STAG1: variants seen among roughly 807,000 people sequenced by gnomAD.
The protein encoded by STAG1 is STAG1 cohesin complex component.
Under a neutral mutation model 170.9 loss-of-function variants are expected in STAG1, and 26 were observed. The observed-to-expected ratio is 0.15, with a 90% CI of 0.11 to 0.21. STAG1 has a LOEUF of 0.21. Ranked by LOEUF, STAG1 falls within the 10% of genes least tolerant of loss-of-function variation. STAG1 has a pLI of 1.00. For missense variants in STAG1, 964 were observed against 1,509.5 expected, an observed-to-expected ratio of 0.64 and a Z score of 5.99; for synonymous variants, 514 against 497.7, an observed-to-expected ratio of 1.03 and a Z score of -0.44.
At chr3:136,526,353 C>T (rs1401743650) in intron 6 of STAG1, among the ~76,000 whole-genome samples, 2 of 152,128 alleles carry the variant, frequency 1.3e-5, no homozygotes, top group Non-Finnish European at 2.9e-5. Flanking sequence ...TATGTTATGG[C>T]CTTCTTTGTC....
intron 1 of STAG1, among the ~76,000 whole-genome samples, chr3:136,744,455 T>C (rs1197266154): frequency 6.6e-6 from 1 of 152,146 alleles, no homozygotes; most frequent in African/African-American, 2.4e-5. Context: ...TTGTATCAAT[T>C]TACACTGCTG....
intron 7 of STAG1, among the ~76,000 whole-genome samples, chr3:136,508,975 C>A (rs1278369945): frequency 6.6e-6 from 1 of 152,190 alleles, no homozygotes; most frequent in Non-Finnish European, 1.5e-5. Context: ...CAGACTGACA[C>A]AAAGGGTTCC....
intron 1 of STAG1, among the ~76,000 whole-genome samples, chr3:136,751,804 C>CGGGCGGGGGGGG (rs1935262283): frequency 8.3e-6 from 1 of 121,068 alleles, no homozygotes; most frequent in Admixed American, 7.4e-5. Context: ...CCCGAGAGCC[C>CGGGCGGGGGGGG]GGGCGGGGGG....
chr3:136,398,109 G>C (rs1015859995), intron 22 of STAG1, among the ~76,000 whole-genome samples: 26 of 151,210 alleles, frequency 1.7e-4, no homozygotes, highest in African/African-American at 5.8e-4. Context: ...ACCACACCCG[G>C]CTAATTTTTG....
chr3:136,351,041 T>C (rs955094629), intron 28 of STAG1, among the ~76,000 whole-genome samples: 2 of 152,182 alleles, frequency 1.3e-5, no homozygotes, highest in Non-Finnish European at 2.9e-5. Flanking sequence ...ACATCATATA[T>C]ATACACCTTA....
chr3:136,594,770 C>T (rs981872059), intron 4 of STAG1, among the ~76,000 whole-genome samples: 1 of 152,174 alleles, frequency 6.6e-6, no homozygotes. Context: ...GAATAAACGA[C>T]AGTCCGACTT....
chr3:136,719,454 C>G (rs1396747634), intron 1 of STAG1, among the ~76,000 whole-genome samples: 1 of 151,848 alleles, frequency 6.6e-6, no homozygotes, highest in African/African-American at 2.4e-5. Context: ...TCCAAATTAA[C>G]TAAACATCAC....
At chr3:136,616,101 T>C (rs1023974447) in intron 3 of STAG1, among the ~76,000 whole-genome samples, 2 of 151,816 alleles carry the variant, frequency 1.3e-5, no homozygotes, top group African/African-American at 4.8e-5. Flanking sequence ...ACCCCGTCTC[T>C]ACTAAAAATA....
chr3:136,558,774 TA>T (rs1559878254), intron 5 of STAG1, among the ~76,000 whole-genome samples: 1 of 152,156 alleles, frequency 6.6e-6, no homozygotes, highest in African/African-American at 2.4e-5. Flanking sequence ...GTACGCAAAC[TA>T]GAGCATTTTG....
intron 3 of STAG1, among the ~76,000 whole-genome samples, chr3:136,616,237 C>G (rs558113787): frequency 6.6e-6 from 1 of 151,112 alleles, no homozygotes; most frequent in East Asian, 1.9e-4. Flanking sequence ...CCACTGCACT[C>G]CAGCCTGGGC....
At chr3:136,530,445 G>A (rs186589150) in intron 6 of STAG1, among the ~76,000 whole-genome samples, 59 of 152,218 alleles carry the variant, frequency 3.9e-4, no homozygotes, top group Admixed American at 2.9e-3. Flanking sequence ...AATTGGGTGC[G>A]TTCAGGGTGG....
chr3:136,425,572 T>C (rs1252020922), intron 16 of STAG1, among the ~76,000 whole-genome samples: 2 of 151,840 alleles, frequency 1.3e-5, no homozygotes, highest in African/African-American at 2.4e-5. Flanking sequence ...ATGTTTTACC[T>C]ATTTCAAAAA....
intron 3 of STAG1, among the ~76,000 whole-genome samples, chr3:136,615,784 A>G (rs1417302820): frequency 2.6e-5 from 4 of 151,810 alleles, no homozygotes; most frequent in Admixed American, 6.6e-5. Context: ...AATCAAAAAA[A>G]AAAAGAAAAT....
chr3:136,601,689 T>C (rs540308717), intron 4 of STAG1, among the ~76,000 whole-genome samples: 1 of 151,874 alleles, frequency 6.6e-6, no homozygotes, highest in South Asian at 2.1e-4. Flanking sequence ...AACAAAAAAT[T>C]AGCTAGACGT....
chr3:136,551,809 G>A lies in STAG1; in HGVS notation c.395-9614C>T, dbSNP rs189542261. ...AGGGTCTTACTATGTTGTCCAGGCT[G>A]GTCTTAAACTCCTGGGCTCAACTGA... On this transcript the variant is annotated intron_variant, in intron 5 of 33. Transcript: ENST00000383202. Among the ~76,000 whole-genome samples the A allele has an allele frequency of 8.1e-4, 123 of 152,048 alleles. 1 individual carries two copies. The highest frequency in any genetic ancestry group is 1.5e-3 in the Non-Finnish European group (104 of 67,976).
At chr3:136,530,338 TG>T (rs1422905276) in intron 6 of STAG1, among the ~76,000 whole-genome samples, 1 of 152,206 alleles carries the variant, frequency 6.6e-6, no homozygotes, top group Admixed American at 6.5e-5. Context: ...AAAGTAACAC[TG>T]GATTTAAACT....
intron 1 of STAG1, among the ~76,000 whole-genome samples, chr3:136,656,823 C>CA (rs929214875): frequency 6.6e-5 from 10 of 151,224 alleles, no homozygotes; most frequent in African/African-American, 1.2e-4. Context: ...ATTTACACGT[C>CA]AAAAAAAATG....
rs184587582 is a variant in STAG1, at chr3:136,657,141, T to C, written c.-83-26160A>G. Reference sequence around the variant, plus strand: ...TATATGGAAAAAAAAGTGGCCAGTGTATAGATGCAAATATAAAGAACGTCC... The same window carrying C: ...TATATGGAAAAAAAAGTGGCCAGTGCATAGATGCAAATATAAAGAACGTCC... On this transcript the variant is annotated intron_variant, in intron 1 of 33. Transcript: ENST00000383202. Among the ~76,000 whole-genome samples the C allele has an allele frequency of 1.7e-3, 251 of 151,320 alleles. 1 individual carries two copies. Among genetic ancestry groups the C allele is most frequent in the African/African-American group, 5.1e-3 (210 of 41,360 alleles).
chr3:136,565,147 AAG>A (rs1336930146), intron 5 of STAG1, among the ~76,000 whole-genome samples: 1 of 150,968 alleles, frequency 6.6e-6, no homozygotes. Context: ...AGAGAAAGGA[AAG>A]AGAAGGGAAA....
Sources: gnomAD v4.1 joint callset for allele counts (sites outside exome capture counted in the v4.1 genomes callset) on GRCh38, gnomAD v4.1.1 for gene constraint, MANE v1.5 for transcripts, NCBI Gene and HGNC (gene_info 2026-07-23, HGNC 2026-07-21) for gene names.